The following ZFHX3 variants were observed in gnomAD, a reference collection of about 807,000 sequenced individuals.
ZFHX3 encodes the protein zinc finger homeobox 3.
A neutral mutation model predicts 279.1 loss-of-function variants in ZFHX3; 42 were observed. That is an observed-to-expected ratio of 0.15 (90% CI 0.12 to 0.19). ZFHX3 has a LOEUF of 0.19. Among genes scored for constraint, ZFHX3 ranks in the 10% least tolerant of loss-of-function variants. The probability of loss-of-function intolerance (pLI) is 1.00; values close to 1 mark genes in which losing one functional copy is unlikely to be tolerated. For missense variants in ZFHX3, 4,981 were observed against 4,754.0 expected (o/e 1.05, Z -1.40); for synonymous variants, 2,293 against 1,957.8 (o/e 1.17, Z -4.52).
At chr16:72,941,689 C>CA in intron 3 of ZFHX3, among the ~76,000 whole-genome samples, 1 of 151,906 alleles carries the variant, frequency 6.6e-6, no homozygotes, top group South Asian at 2.1e-4. Flanking sequence ...TCTTTTTATA[C>CA]AAAGAAAAAG....
intron 2 of ZFHX3, among the ~76,000 whole-genome samples, chr16:73,586,305 C>G (rs908830276): frequency 6.7e-6 from 1 of 149,674 alleles, no homozygotes; most frequent in African/African-American, 2.6e-5. Flanking sequence ...ATGAAAATCA[C>G]TTGAAACCAG....
intron 3 of ZFHX3, among the ~76,000 whole-genome samples, chr16:72,891,893 T>C (rs1346046434): frequency 6.6e-6 from 1 of 152,240 alleles, no homozygotes; most frequent in East Asian, 1.9e-4. Context: ...TGACCCACAC[T>C]GCTTCTGTCT....
intron 1 of ZFHX3, among the ~76,000 whole-genome samples, chr16:73,850,333 G>T (rs996929620): frequency 3.9e-5 from 6 of 152,288 alleles, no homozygotes; most frequent in African/African-American, 1.2e-4. Flanking sequence ...CTTACAGAGC[G>T]CTGGGAACAG....
intron 1 of ZFHX3, among the ~76,000 whole-genome samples, chr16:73,821,843 T>C (rs1960751011): frequency 6.6e-6 from 1 of 152,194 alleles, no homozygotes; most frequent in Non-Finnish European, 1.5e-5. Flanking sequence ...GAAATGCACT[T>C]ACATGGGCTG....
At chr16:73,525,738 A>T (rs2019679897) in intron 2 of ZFHX3, among the ~76,000 whole-genome samples, 1 of 152,158 alleles carries the variant, frequency 6.6e-6, no homozygotes, top group Non-Finnish European at 1.5e-5. Flanking sequence ...GAGACCAAGG[A>T]AGGGTTCAGG....
At chr16:73,389,991 C>T (rs1318714271) in intron 3 of ZFHX3, among the ~76,000 whole-genome samples, 18 of 152,038 alleles carry the variant, frequency 1.2e-4, no homozygotes, top group Admixed American at 1.0e-3. Flanking sequence ...ACTTGGGAGG[C>T]GGATGTTGCA....
intron 2 of ZFHX3, among the ~76,000 whole-genome samples, chr16:73,608,459 C>A (rs1288748625): frequency 6.6e-6 from 1 of 152,134 alleles, no homozygotes; most frequent in Non-Finnish European, 1.5e-5. Flanking sequence ...AAATACAGAC[C>A]AGGTAAAATG....
Position 72,908,872 on chromosome 16 carries a change from T to C in ZFHX3, c.3217-18910A>G, listed in dbSNP as rs375762940. On this transcript the variant is annotated intron_variant, in intron 3 of 9. Transcript: ENST00000268489. ...CCATATTACTTAACATTTAGAATAA[T>C]ACCCACTGTTTCAGGTTGAGAAAGC... is the stretch of plus-strand genomic sequence containing the variant. Among the ~76,000 whole-genome samples, 45 of 152,324 alleles carry C rather than the reference T, an allele frequency of 3.0e-4. No individual in the cohort carries two copies. The East Asian group carries it at 7.1e-3, about 24-fold the overall frequency.
At chr16:73,684,207 T>C (rs2053055287) in intron 1 of ZFHX3, among the ~76,000 whole-genome samples, 1 of 152,078 alleles carries the variant, frequency 6.6e-6, no homozygotes, top group Non-Finnish European at 1.5e-5. Flanking sequence ...GATAAGAGGA[T>C]CTCTTGAGCC....
chr16:72,931,566 TAAAA>T (rs35230717), intron 3 of ZFHX3, among the ~76,000 whole-genome samples: 1 of 131,144 alleles, frequency 7.6e-6, no homozygotes. Context: ...ATGCACCATT[TAAAA>T]AAAAAAAAAA....
At chr16:72,935,665 G>C (rs537989353) in intron 3 of ZFHX3, among the ~76,000 whole-genome samples, 18 of 151,874 alleles carry the variant, frequency 1.2e-4, no homozygotes, top group Middle Eastern at 3.4e-3. Flanking sequence ...ACTCGGGAGG[G>C]GGGGGTTGCA....
At chr16:72,879,001 C>T (rs989990739) in intron 4 of ZFHX3, among the ~76,000 whole-genome samples, 7 of 152,154 alleles carry the variant, frequency 4.6e-5, no homozygotes, top group African/African-American at 7.2e-5. Context: ...AGGACAGGAA[C>T]GGCCCTGTGG....
At chr16:73,546,199 T>C (rs955522555) in intron 2 of ZFHX3, among the ~76,000 whole-genome samples, 2 of 152,172 alleles carry the variant, frequency 1.3e-5, no homozygotes, top group African/African-American at 2.4e-5. Context: ...AAATTCCCCC[T>C]CCCTTTCCCC....
At chr16:73,371,873 G>A (rs1002584517) in intron 3 of ZFHX3, among the ~76,000 whole-genome samples, 10 of 152,146 alleles carry the variant, frequency 6.6e-5, no homozygotes, top group South Asian at 2.1e-4. Flanking sequence ...TCAAGGTCTC[G>A]GCCCAGCCCC....
chr16:73,534,750 T>C (rs2019864416), intron 2 of ZFHX3, among the ~76,000 whole-genome samples: 1 of 152,232 alleles, frequency 6.6e-6, no homozygotes, highest in Non-Finnish European at 1.5e-5. Context: ...ATCGTCACAG[T>C]TGCCAAATTG....
chr16:73,224,719 G>T (rs116921663), intron 5 of ZFHX3, among the ~76,000 whole-genome samples: 289 of 152,270 alleles, frequency 1.9e-3, no homozygotes, highest in Non-Finnish European at 3.2e-3. Context: ...TCAAACACAG[G>T]CTCATGTATG....
chr16:73,702,559 C>T (rs761359295), intron 1 of ZFHX3, among the ~76,000 whole-genome samples: 4 of 152,112 alleles, frequency 2.6e-5, no homozygotes, highest in South Asian at 2.1e-4. Flanking sequence ...ATTAGTGCCC[C>T]GAAATATCAC....
intron 4 of ZFHX3, among the ~76,000 whole-genome samples, chr16:72,858,711 G>T (rs1567550967): frequency 6.6e-6 from 1 of 152,334 alleles, no homozygotes; most frequent in East Asian, 1.9e-4. Context: ...ACTAAATATG[G>T]CAAGGTTAGT....
At chr16:73,796,543 A>C in intron 1 of ZFHX3, 1 of 152,320 alleles carries the variant, frequency 6.6e-6, no homozygotes, top group Middle Eastern at 3.4e-3. Flanking sequence ...AGGATCTAGA[A>C]GTCACCCGAT....
Sources: allele counts gnomAD v4.1 joint callset (sites outside exome capture counted in the v4.1 genomes callset), GRCh38; gene constraint gnomAD v4.1.1; transcripts MANE v1.5; gene names NCBI Gene and HGNC (gene_info 2026-07-23, HGNC 2026-07-21).